PIK3CB: variants seen among roughly 807,000 people sequenced by gnomAD.
The protein encoded by PIK3CB is phosphatidylinositol-4,5-bisphosphate 3-kinase catalytic subunit beta, also known as phosphatidylinositol 4,5-bisphosphate 3-kinase catalytic subunit beta isoform.
Under a neutral mutation model 136.8 loss-of-function variants are expected in PIK3CB, and 39 were observed. The ratio of observed to expected loss-of-function variants is 0.29; its 90% CI spans 0.22 to 0.37. The LOEUF is 0.37. Ranked by LOEUF, PIK3CB falls within the 10% of genes least tolerant of loss-of-function variation. The pLI is 1.00. For missense variants in PIK3CB, 868 were observed against 1,275.4 expected (o/e 0.68, Z 4.87); for synonymous variants, 428 against 436.6 (o/e 0.98, Z 0.25).
chr3:138,765,589 T>A (rs1228063131), intron 2 of PIK3CB, among the ~76,000 whole-genome samples: 2 of 149,754 alleles, frequency 1.3e-5, no homozygotes, highest in African/African-American at 2.5e-5. Flanking sequence ...ATGCCTATAA[T>A]CCCAGCACTT....
At chr3:138,746,863 C>A (rs1673479285) in intron 4 of PIK3CB, among the ~76,000 whole-genome samples, 1 of 150,638 alleles carries the variant, frequency 6.6e-6, no homozygotes, top group African/African-American at 2.4e-5. Context: ...ATACAAGCTG[C>A]ATTTTTACTC....
rs375492591 is a variant in PIK3CB, at chr3:138,694,796, G to A, written c.1882C>T (p.Arg628Ter). Residue 628 changes from arginine (R) to a stop codon, truncating the protein, a stop_gained, in exon 14 of 24, where the codon CGA (arginine) becomes TGA (stop). Transcript: ENST00000674063. LOFTEE classifies it high-confidence loss of function. ...ACCTGCAGAAGATACCTCATCTGTC[G>A]CAGGCAGCCTACAGCATATTCTCGA... Reference protein sequence around the residue: ...YVREYAVGCLRQMSDEELSQY... With the variant: ...YVREYAVGCL 4 of 1,612,176 alleles carry A rather than the reference G, an allele frequency of 2.5e-6. No individual in the cohort carries two copies. The highest frequency in any genetic ancestry group is 2.5e-6 in the Non-Finnish European group (3 of 1,179,116).
chr3:138,729,179 A>G (rs926336336), intron 8 of PIK3CB, among the ~76,000 whole-genome samples: 1 of 151,170 alleles, frequency 6.6e-6, no homozygotes, highest in Non-Finnish European at 1.5e-5. Context: ...TACACCGGAC[A>G]CTGAGGCATG....
intron 2 of PIK3CB, among the ~76,000 whole-genome samples, chr3:138,769,275 G>T (rs2045771790): frequency 6.6e-6 from 1 of 152,082 alleles, no homozygotes; most frequent in African/African-American, 2.4e-5. Context: ...AATTTATCCA[G>T]ATATAATTGT....
At position 138,795,316 on chromosome 3, in the gene PIK3CB, T is replaced by C. The variant is rs572074177; in HGVS notation, c.-17+1147A>G. The stretch of plus-strand genomic sequence containing the variant: ...GCCTGGGTGACAGAGCATGAGACTC[T>C]GTCTTTTAAAAAAAAAAAAAAAAAA... On this transcript the variant is annotated intron_variant, in intron 2 of 23. Transcript: ENST00000674063. Among the ~76,000 whole-genome samples, 391 of 117,984 alleles carry C rather than the reference T, an allele frequency of 3.3e-3. 1 individual carries two copies. The highest frequency in any genetic ancestry group is 0.012 in the African/African-American group (311 of 26,892). The allele number at this position is 117,984 out of a possible 152,430, so 77.4% of individuals were successfully genotyped here. A position where few individuals can be genotyped will look rare whatever the true frequency, so the allele number is the denominator to read the frequency against.
chr3:138,781,573 C>T (rs1053907287), intron 2 of PIK3CB, among the ~76,000 whole-genome samples: 2 of 152,032 alleles, frequency 1.3e-5, no homozygotes, highest in African/African-American at 4.8e-5. Context: ...TTGCCTCAGA[C>T]TCCCGAGCAG....
chr3:138,761,466 A>C (rs537235238), intron 2 of PIK3CB, among the ~76,000 whole-genome samples: 1 of 152,234 alleles, frequency 6.6e-6, no homozygotes, highest in Non-Finnish European at 1.5e-5. Flanking sequence ...TAGCTGGAAC[A>C]AATCAACTAT....
At chr3:138,699,942 C>A (rs1395680639) in intron 12 of PIK3CB, among the ~76,000 whole-genome samples, 1 of 152,092 alleles carries the variant, frequency 6.6e-6, no homozygotes, top group Non-Finnish European at 1.5e-5. Flanking sequence ...TGGCTCACGC[C>A]TGTAATCCCA....
intron 10 of PIK3CB, chr3:138,707,584 T>A: frequency 8.8e-7 from 1 of 1,142,276 alleles, no homozygotes; most frequent in Non-Finnish European, 1.1e-6. Context: ...GGAACTGCTC[T>A]CTCTCCATCA....
chr3:138,817,335 T>C (rs1193137576), intron 1 of PIK3CB, among the ~76,000 whole-genome samples: 3 of 150,712 alleles, frequency 2.0e-5, no homozygotes, highest in South Asian at 2.1e-4. Flanking sequence ...AGACTCCATC[T>C]CAAAAAACAC....
At chr3:138,694,936 A>C (rs1199013828) in intron 13 of PIK3CB, 29 bp from the exon 14 acceptor site, 1 of 1,584,402 alleles carries the variant, frequency 6.3e-7, no homozygotes. Flanking sequence ...TGGTTCAGAA[A>C]TAATGGGGGA....
intron 2 of PIK3CB, among the ~76,000 whole-genome samples, chr3:138,787,430 G>GA (rs1374930447): frequency 6.7e-6 from 1 of 148,166 alleles, no homozygotes; most frequent in East Asian, 2.0e-4. Context: ...CATTTACAAA[G>GA]AAAAAAGCCT....
chr3:138,748,914 T>C (rs931619742), intron 4 of PIK3CB, among the ~76,000 whole-genome samples: 10 of 152,218 alleles, frequency 6.6e-5, no homozygotes, highest in Admixed American at 6.5e-4. Context: ...CAGTAAGGGT[T>C]GCATTGTCTT....
chr3:138,680,719 G>C (rs1374300080), intron 19 of PIK3CB, among the ~76,000 whole-genome samples: 1 of 150,498 alleles, frequency 6.6e-6, no homozygotes, highest in South Asian at 2.1e-4. Flanking sequence ...ACAAAGTTTC[G>C]CTCTTGTTGC....
intron 20 of PIK3CB, 108 bp from the exon 21 acceptor site, chr3:138,664,137 G>T: frequency 7.7e-7 from 1 of 1,298,706 alleles, no homozygotes; most frequent in South Asian, 1.3e-5. Context: ...GGAGAACACA[G>T]AGCTGCCAAA....
chr3:138,708,736 T>C (rs1305634359), intron 10 of PIK3CB, among the ~76,000 whole-genome samples: 2 of 151,886 alleles, frequency 1.3e-5, no homozygotes, highest in African/African-American at 4.8e-5. Flanking sequence ...CACACACCAC[T>C]GCACCTGGCT....
At chr3:138,832,698 A>G (rs901228795) in intron 1 of PIK3CB, among the ~76,000 whole-genome samples, 4 of 152,088 alleles carry the variant, frequency 2.6e-5, no homozygotes, top group Admixed American at 6.6e-5. Context: ...GTGTGGTGGC[A>G]CATGCCTGTA....
At chr3:138,673,398 C>T (rs2043577541) in intron 19 of PIK3CB, among the ~76,000 whole-genome samples, 1 of 152,094 alleles carries the variant, frequency 6.6e-6, no homozygotes, top group Non-Finnish European at 1.5e-5. Context: ...CTTTTTGATG[C>T]ACTAAGGTGT....
chr3:138,699,993 G>A (rs757797462), intron 12 of PIK3CB, among the ~76,000 whole-genome samples: 3 of 151,978 alleles, frequency 2.0e-5, no homozygotes, highest in Non-Finnish European at 4.4e-5. Context: ...CTTGAGCCCC[G>A]GAGTTCAAGA....
Sources: allele counts gnomAD v4.1 joint callset (sites outside exome capture counted in the v4.1 genomes callset), GRCh38; gene constraint gnomAD v4.1.1; transcripts MANE v1.5; gene names NCBI Gene and HGNC (gene_info 2026-07-23, HGNC 2026-07-21).